Variants in FGF6 observed in about 807,000 individuals in gnomAD.
FGF6 encodes FGF-6.
Under a neutral mutation model 18.4 loss-of-function variants are expected in FGF6, and 14 were observed. The ratio of observed to expected loss-of-function variants is 0.76; its 90% CI spans 0.50 to 1.19. FGF6 has a LOEUF of 1.19. Among genes scored for constraint, FGF6 ranks in the 50% most tolerant of loss-of-function variants. The probability of loss-of-function intolerance (pLI) is 0.00; values close to 1 mark genes in which losing one functional copy is unlikely to be tolerated. For synonymous variants in FGF6, 125 were observed against 116.7 expected (o/e 1.07, Z -0.46); for missense variants, 266 against 271.6 (o/e 0.98, Z 0.15).
At position 4,437,210 on chromosome 12, in the gene FGF6, T is replaced by C. The variant is rs550101722; in HGVS notation, c.451-2819A>G. Among the ~76,000 whole-genome samples the C allele has an allele frequency of 8.5e-5, 13 of 152,338 alleles. No individual in the cohort carries two copies. In the South Asian group the frequency reaches 2.7e-3, roughly 32 times the overall value. ...GAACAATGCTTGCTATACAGTAGAA[T>C]TAAAAACAAATTAGTAGTACTAGTA... is the stretch of plus-strand genomic sequence containing the variant. On this transcript the variant is annotated intron_variant, in intron 2 of 2. Transcript: ENST00000228837.
At chr12:4,443,972 A>C (rs1309491164) in intron 2 of FGF6, among the ~76,000 whole-genome samples, 161 bp downstream of exon 2, 1 of 152,222 alleles carries the variant, frequency 6.6e-6, no homozygotes, top group Non-Finnish European at 1.5e-5. Flanking sequence ...AGGCTGAAGA[A>C]GCACAAGCTG....
In FGF6 at chr12:4,445,136, C is replaced by A; in HGVS notation, c.346+89G>T. ...CATTTCTGCCCCCTTTATCGTGCAT[C>A]CTGTCCGCTAGAGCAGGGCCCCTTC... On this transcript the variant is annotated intron_variant, in intron 1 of 2. Transcript: ENST00000228837. The surrounding 1 kb of genome is among the most constrained non-coding windows in gnomAD (Gnocchi z 5.5). 1 of 1,121,428 alleles carries A rather than the reference C, an allele frequency of 8.9e-7. No homozygotes were observed. The highest frequency in any genetic ancestry group is 1.3e-6 in the Non-Finnish European group (1 of 786,724). 69.5% of individuals were successfully genotyped at this position (1,121,428 alleles called of 1,614,324 possible).
At position 4,445,289 on chromosome 12, in the gene FGF6, G is replaced by A. The variant is rs201860096; in HGVS notation, c.282C>T (p.Ile94=). Residue 94 remains isoleucine (I), a synonymous_variant, in exon 1 of 3, where the codon ATC becomes ATT. Transcript: ENST00000228837. This position sits in a 1 kb window ranked among gnomAD's most constrained non-coding sequence, Gnocchi z 5.5. ...RQRRLYCNVG[I]GFHLQVLPDG... ...CGGGGAGCACCTGGAGGTGAAAGCC[G>A]ATGCCCACGTTGCAGTAGAGCCTCC... The A allele has an allele frequency of 1.1e-5, 18 of 1,614,026 alleles. No homozygotes were observed. The East Asian group carries it at 1.8e-4, about 16-fold the overall frequency.
intron 2 of FGF6, among the ~76,000 whole-genome samples, chr12:4,438,188 G>A (rs929119076): frequency 1.0e-3 from 155 of 152,248 alleles, no homozygotes; most frequent in African/African-American, 3.5e-3. Flanking sequence ...TTATAACTGT[G>A]AGATCCCATT....
intron 2 of FGF6, among the ~76,000 whole-genome samples, chr12:4,440,581 G>C (rs926414539): frequency 2.0e-5 from 3 of 152,230 alleles, no homozygotes; most frequent in African/African-American, 7.2e-5. Context: ...CAGCTCTGAA[G>C]ATGCCTGCAT....
chr12:4,438,496 C>T (rs1865649169), intron 2 of FGF6, among the ~76,000 whole-genome samples: 1 of 152,076 alleles, frequency 6.6e-6, no homozygotes, highest in South Asian at 2.1e-4. Flanking sequence ...GCTGAGGTGG[C>T]TCATGCCTGT....
In FGF6 at chr12:4,445,265, G is replaced by C. The variant is rs765855786; in HGVS notation, c.306C>G (p.Pro102=). The C allele has an allele frequency of 2.0e-5, 33 of 1,613,728 alleles. No individual in the cohort carries two copies. The highest frequency in any genetic ancestry group is 2.7e-5 in the Non-Finnish European group (32 of 1,179,974). Residue 102 remains proline, a synonymous_variant, in exon 1 of 3, where the codon CCC becomes CCG. Transcript: ENST00000228837. This position sits in a 1 kb window ranked among gnomAD's most constrained non-coding sequence, Gnocchi z 5.5. The part of the protein sequence containing the change: ...VGIGFHLQVL[P]DGRISGTHEE... ...CGTGGGTCCCGCTGATCCGGCCGTC[G>C]GGGAGCACCTGGAGGTGAAAGCCGA... is the stretch of plus-strand genomic sequence containing the variant.
intron 2 of FGF6, among the ~76,000 whole-genome samples, chr12:4,443,068 G>T (rs1338025612): frequency 6.6e-6 from 1 of 152,220 alleles, no homozygotes; most frequent in Non-Finnish European, 1.5e-5. Context: ...CCCACTGATT[G>T]TAGTGCATGC....
In FGF6 at chr12:4,445,124, T is replaced by C. The variant is rs1391786001; in HGVS notation, c.346+101A>G. ...AGTGGTGAGCAGCATTTCTGCCCCC[T>C]TTATCGTGCATCCTGTCCGCTAGAG... On this transcript the variant is annotated intron_variant, in intron 1 of 2. Coordinates refer to ENST00000228837, the MANE Select transcript of FGF6 (RefSeq NM_020996.3). The surrounding 1 kb of genome is among the most constrained non-coding windows in gnomAD (Gnocchi z 5.5). 1.9e-6 allele frequency: 2 copies of C among 1,026,434 alleles called. No homozygotes were observed. The highest frequency in any genetic ancestry group is 2.8e-6 in the Non-Finnish European group (2 of 707,714). The allele number at this position is 1,026,434 out of a possible 1,614,324, so 63.6% of individuals were successfully genotyped here. A position where few individuals can be genotyped will look rare whatever the true frequency, so the allele number is the denominator to read the frequency against.
At chr12:4,436,556 G>T (rs999288001) in intron 2 of FGF6, among the ~76,000 whole-genome samples, 1 of 152,016 alleles carries the variant, frequency 6.6e-6, no homozygotes, top group East Asian at 1.9e-4. Context: ...GGTCGAGGCT[G>T]CAGTGAGCCA....
chr12:4,445,400 C>T lies in FGF6; in HGVS notation c.171G>A (p.Leu57=), dbSNP rs760370083. 1 of 1,613,642 alleles carries T rather than the reference C, an allele frequency of 6.2e-7. No homozygotes were observed. ...CTAGCCCGGCGCGAGACCTGGACAG[C>T]AGGGTGCCCCAGCCCCTCGAGTCCA... The part of the protein sequence containing the change: ...TLLDSRGWGT[L]LSRSRAGLAG... The change falls in exon 1 of 3, where the codon CTG becomes CTA. Residue 57 remains leucine (L), a synonymous_variant. Transcript: ENST00000228837. This position sits in a 1 kb window ranked among gnomAD's most constrained non-coding sequence, Gnocchi z 5.5.
In FGF6 at chr12:4,445,642, C is replaced by G. The variant is rs1865756564; in HGVS notation, c.-72G>C. 7.9e-7 allele frequency: 1 copy of G among 1,273,786 alleles called. No homozygotes were observed. The highest frequency in any genetic ancestry group is 2.5e-5 in the East Asian group (1 of 40,032). 78.9% of individuals were successfully genotyped at this position (1,273,786 alleles called of 1,614,324 possible). ...TACCGCCCTTCTTGTTTTTCTCCCT[C>G]CGGCATGGCGGCAGGGGCTTATTTT... On this transcript the variant is annotated 5_prime_UTR_variant, in exon 1 of 3. Transcript: ENST00000228837. The surrounding 1 kb of genome is among the most constrained non-coding windows in gnomAD (Gnocchi z 5.5).
At position 4,434,260 on chromosome 12, in the gene FGF6, C is replaced by A; in HGVS notation, c.582G>T (p.Lys194Asn). The change falls in exon 3 of 3, where the codon AAG becomes AAT. Residue 194 changes from lysine to asparagine, a missense_variant. Transcript: ENST00000228837. ...GAGTGACAGTCATGATCGGGGACAC[C>A]TTGCTGCCCCGCTTTACCCGTCCGT... is the stretch of plus-strand genomic sequence containing the variant. Reference protein sequence around the residue: ...SKYGRVKRGSKVSPIMTVTHF... With the variant: ...SKYGRVKRGSNVSPIMTVTHF... 6.2e-7 allele frequency: 1 copy of A among 1,614,178 alleles called. No individual in the cohort carries two copies. The highest frequency in any genetic ancestry group is 1.3e-5 in the African/African-American group (1 of 75,066).
At chr12:4,441,975 C>G (rs939036301) in intron 2 of FGF6, among the ~76,000 whole-genome samples, 10 of 151,850 alleles carry the variant, frequency 6.6e-5, no homozygotes, top group African/African-American at 2.4e-4. Context: ...GCCCCACTCT[C>G]TGTGTGCAGG....
chr12:4,435,192 G>A (rs1040999271), intron 2 of FGF6, among the ~76,000 whole-genome samples: 22 of 152,186 alleles, frequency 1.4e-4, no homozygotes, highest in African/African-American at 4.8e-4. Flanking sequence ...GCCCATACCC[G>A]TGCGGGACCT....
intron 2 of FGF6, among the ~76,000 whole-genome samples, chr12:4,443,489 T>G (rs17183599): frequency 6.6e-6 from 1 of 152,202 alleles, no homozygotes; most frequent in African/African-American, 2.4e-5. Context: ...GTCAATGTGC[T>G]TAGAAGCTGG....
rs139098855 is a variant in FGF6, at chr12:4,445,485, C to A, written c.86G>T (p.Gly29Val). 1.1e-4 allele frequency: 179 copies of A among 1,613,176 alleles called. No homozygotes were observed. In the African/African-American group the frequency reaches 2.1e-3, roughly 19 times the overall value. ...GGGCACCACCATGCCCACTAGGATG[C>A]CTAGGAAGACGAGAGCCCACAGCGT... ...QGTLWALVFL[G>V]ILVGMVVPSP... is the part of the protein sequence containing the mutation. Residue 29 changes from glycine to valine, a missense_variant, in exon 1 of 3, where the codon GGC becomes GTC. Physicochemically the swap from Gly to Val is moderately radical, Grantham distance 109. Coordinates refer to ENST00000228837, the MANE Select transcript of FGF6 (RefSeq NM_020996.3). The surrounding 1 kb of genome is among the most constrained non-coding windows in gnomAD (Gnocchi z 5.5).
At chr12:4,439,855 C>T (rs1023492500) in intron 2 of FGF6, among the ~76,000 whole-genome samples, 4 of 152,194 alleles carry the variant, frequency 2.6e-5, no homozygotes, top group African/African-American at 9.7e-5. Flanking sequence ...CTCTCCTCCG[C>T]CCTCAGCACC....
At position 4,445,502 on chromosome 12, in the gene FGF6, C is replaced by T. The variant is rs777927880; in HGVS notation, c.69G>A (p.Trp23Ter). The change falls in exon 1 of 3, where the codon TGG (tryptophan) becomes TGA (stop). Residue 23 changes from tryptophan (W) to a stop codon, truncating the protein, a stop_gained. Transcript: ENST00000228837. LOFTEE classifies it high-confidence loss of function. The surrounding 1 kb of genome is among the most constrained non-coding windows in gnomAD (Gnocchi z 5.5). ...RGAGRLQGTLWALVFLGILVG... is the reference protein window; with the variant it reads ...RGAGRLQGTL ...CTAGGATGCCTAGGAAGACGAGAGC[C>T]CACAGCGTGCCCTGCAGACGTCCTG... 6.2e-7 allele frequency: 1 copy of T among 1,612,922 alleles called. No homozygotes were observed. Among genetic ancestry groups the T allele is most frequent in the East Asian group, 2.2e-5 (1 of 44,878 alleles).
Sources: allele counts gnomAD v4.1 joint callset (sites outside exome capture counted in the v4.1 genomes callset), GRCh38; gene constraint gnomAD v4.1.1; non-coding constraint Gnocchi (gnomAD v3.1); transcripts MANE v1.5; gene names NCBI Gene and HGNC (gene_info 2026-07-23, HGNC 2026-07-21).